The following GAN variants were observed in gnomAD, a reference collection of about 807,000 sequenced individuals.
GAN encodes the protein gigaxonin.
GAN carries 48 observed loss-of-function variants against 71.3 expected under a neutral mutation model. The observed-to-expected ratio is 0.67, with a 90% CI of 0.53 to 0.86. The LOEUF (loss-of-function observed/expected upper bound fraction) is 0.86. GAN is among the 40% of genes least tolerant of loss of function. GAN has a pLI of 0.00. For missense variants in GAN, 928 were observed against 770.1 expected (o/e 1.21, Z -2.43); for synonymous variants, 386 against 276.8 (o/e 1.39, Z -3.92).
intron 9 of GAN, among the ~76,000 whole-genome samples, chr16:81,374,790 G>T: frequency 6.6e-6 from 1 of 152,274 alleles, no homozygotes; most frequent in South Asian, 2.1e-4. Flanking sequence ...CTGGGATCAA[G>T]CACTTCTTCA....
At position 81,315,271 on chromosome 16, in the gene GAN, C is replaced by A; in HGVS notation, c.158C>A (p.Pro53Gln). The change falls in exon 1 of 11, where the codon CCG (proline) becomes CAG (glutamine). Residue 53 changes from proline (P) to glutamine (Q), a missense_variant. By Grantham distance (76) the Pro-to-Gln change is moderately conservative. Coordinates refer to ENST00000648994, the MANE Select transcript of GAN (RefSeq NM_022041.4). ...VQKNILAAAS[P>Q]YIRTKLNYNP... ...AAGAACATCCTGGCGGCGGCCAGCC[C>A]GTACATCAGGTGGGGAGGGGGCTAC... 1 of 1,561,642 alleles carries A rather than the reference C, an allele frequency of 6.4e-7. No individual in the cohort carries two copies. Among genetic ancestry groups the A allele is most frequent in the Non-Finnish European group, 8.7e-7 (1 of 1,155,068 alleles).
At chr16:81,369,090 C>T (rs1250195548) in intron 9 of GAN, among the ~76,000 whole-genome samples, 3 of 152,214 alleles carry the variant, frequency 2.0e-5, no homozygotes, top group African/African-American at 7.2e-5. Context: ...CTAGATGCCC[C>T]TCTACTTTAA....
chr16:81,362,545 T>C lies in GAN; in HGVS notation c.1020T>C (p.Thr340=). 1 of 1,611,152 alleles carries C rather than the reference T, an allele frequency of 6.2e-7. No homozygotes were observed. Among genetic ancestry groups the C allele is most frequent in the Non-Finnish European group, 8.5e-7 (1 of 1,177,292 alleles). ...VFGGQDENKQ[T]LSSGEKYDPD... Reference sequence around the variant, plus strand: ...GGGGCCAAGATGAAAATAAGCAGACTCTTAGCTCAGGAGAAAAGTATGATC... The same window carrying C: ...GGGGCCAAGATGAAAATAAGCAGACCCTTAGCTCAGGAGAAAAGTATGATC... The change falls in exon 6 of 11, where the codon ACT becomes ACC. Residue 340 remains threonine (T), a synonymous_variant. Transcript: ENST00000648994.
intron 7 of GAN, among the ~76,000 whole-genome samples, chr16:81,364,572 C>T (rs947408702): frequency 1.3e-5 from 2 of 152,112 alleles, no homozygotes; most frequent in South Asian, 2.1e-4. Context: ...ACCTGTAGTC[C>T]CAGCTACCCA....
chr16:81,354,564 C>G lies in GAN; in HGVS notation c.442C>G (p.His148Asp), dbSNP rs1910422294. ...CTTTGCACTACATTACTGCCTCCATCACGTTCATTACCTTGCCACAGAATA... is the reference window on the plus strand; with the variant it reads ...CTTTGCACTACATTACTGCCTCCATGACGTTCATTACCTTGCCACAGAATA... ...RDFALHYCLH[H>D]VHYLATEYLE... is the part of the protein sequence containing the mutation. The change falls in exon 3 of 11, where the codon CAC becomes GAC. Residue 148 changes from histidine (H) to aspartate (D), a missense_variant. Coordinates refer to ENST00000648994, the MANE Select transcript of GAN (RefSeq NM_022041.4). The G allele has an allele frequency of 1.2e-6, 2 of 1,614,128 alleles. No individual in the cohort carries two copies. The highest frequency in any genetic ancestry group is 1.7e-6 in the Non-Finnish European group (2 of 1,179,978).
intron 1 of GAN, among the ~76,000 whole-genome samples, chr16:81,334,297 T>C (rs1395430108): frequency 6.6e-6 from 1 of 152,226 alleles, no homozygotes; most frequent in African/African-American, 2.4e-5. Context: ...GGACTGTGGC[T>C]GTGGCCTCCT....
chr16:81,362,642 G>A, intron 6 of GAN, 31 bp downstream of exon 6: 2 of 1,098,580 alleles, frequency 1.8e-6, no homozygotes. Flanking sequence ...TTTGTTTGAT[G>A]TGTTTCTCTT....
chr16:81,364,623 A>G (rs532550116), intron 7 of GAN, among the ~76,000 whole-genome samples: 1 of 152,244 alleles, frequency 6.6e-6, no homozygotes, highest in Admixed American at 6.5e-5. Flanking sequence ...CAGGAGTTTG[A>G]AGCTGCAGTG....
intron 5 of GAN, among the ~76,000 whole-genome samples, chr16:81,358,558 A>C (rs973628427): frequency 2.0e-5 from 3 of 152,066 alleles, no homozygotes; most frequent in Non-Finnish European, 4.4e-5. Context: ...GCTGTGAGCC[A>C]AGATCACACC....
At chr16:81,352,102 C>T (rs1485611885) in intron 2 of GAN, among the ~76,000 whole-genome samples, 3 of 152,108 alleles carry the variant, frequency 2.0e-5, no homozygotes, top group African/African-American at 7.2e-5. Context: ...ATAGGAACTT[C>T]CTGGGGCGTT....
chr16:81,350,000 C>G (rs1910245399), intron 1 of GAN, among the ~76,000 whole-genome samples: 2 of 151,838 alleles, frequency 1.3e-5, no homozygotes, highest in African/African-American at 4.8e-5. Flanking sequence ...ACAGGAATAT[C>G]TAGATATAAG....
chr16:81,365,253 A>G (rs941576636), intron 8 of GAN, 97 bp from the exon 9 acceptor site: 34 of 1,566,996 alleles, frequency 2.2e-5, no homozygotes, highest in Non-Finnish European at 3.0e-5. Context: ...AGGCCCACGT[A>G]GTAATGCTGC....
intron 3 of GAN, 88 bp from the exon 4 acceptor site, chr16:81,356,697 T>C: frequency 3.2e-6 from 3 of 948,700 alleles, no homozygotes; most frequent in Non-Finnish European, 5.2e-6. Flanking sequence ...TAACAGTTTG[T>C]TTTCCATGAG....
chr16:81,334,305 C>G (rs1340755612), intron 1 of GAN, among the ~76,000 whole-genome samples: 1 of 152,138 alleles, frequency 6.6e-6, no homozygotes, highest in African/African-American at 2.4e-5. Flanking sequence ...GCTGTGGCCT[C>G]CTGGGAGTTG....
chr16:81,341,035 G>A (rs1193362297), intron 1 of GAN, among the ~76,000 whole-genome samples: 1 of 151,660 alleles, frequency 6.6e-6, no homozygotes, highest in Non-Finnish European at 1.5e-5. Flanking sequence ...GCAGAAGAAA[G>A]GATATCAGTG....
At chr16:81,349,407 G>A (rs1295519035) in intron 1 of GAN, among the ~76,000 whole-genome samples, 3 of 152,134 alleles carry the variant, frequency 2.0e-5, no homozygotes, top group Admixed American at 1.3e-4. Context: ...GCAGCACTTT[G>A]GGAGGCTGAG....
At chr16:81,354,259 C>G in intron 2 of GAN, 146 bp from the exon 3 acceptor site, 2 of 605,686 alleles carry the variant, frequency 3.3e-6, no homozygotes, top group Admixed American at 3.0e-5. Context: ...AAAAAAAATG[C>G]TGGGTTAAAC....
In GAN at chr16:81,363,923, G is replaced by A; in HGVS notation, c.1216G>A (p.Asp406Asn). The change falls in exon 7 of 11, where the codon GAT (aspartate) becomes AAT (asparagine). Residue 406 changes from aspartate to asparagine, a missense_variant. Transcript: ENST00000648994. ...TTCTAAAACCTGGACAAAGCAACCT[G>A]ATTTGACCATGGTCAGAAAGGTGAG... ...IYSKTWTKQP[D>N]LTMVRKIGCY... is the part of the protein sequence containing the mutation. 2 of 1,613,624 alleles carry A rather than the reference G, an allele frequency of 1.2e-6. 1 individual carries two copies. The highest frequency in any genetic ancestry group is 2.2e-5 in the South Asian group (2 of 91,074).
intron 1 of GAN, among the ~76,000 whole-genome samples, chr16:81,318,382 G>C (rs977402639): frequency 6.6e-6 from 1 of 152,198 alleles, no homozygotes; most frequent in Non-Finnish European, 1.5e-5. Flanking sequence ...CAGTGGTATG[G>C]CCTGGCATGG....
Sources: gnomAD v4.1 joint callset for allele counts (sites outside exome capture counted in the v4.1 genomes callset) on GRCh38, gnomAD v4.1.1 for gene constraint, MANE v1.5 for transcripts, NCBI Gene and HGNC (gene_info 2026-07-23, HGNC 2026-07-21) for gene names.